ACVR1C: variants seen among roughly 807,000 people sequenced by gnomAD.
ACVR1C encodes activin A receptor type 1C.
A neutral mutation model predicts 57.9 loss-of-function variants in ACVR1C; 23 were observed. The observed-to-expected ratio is 0.40, with a 90% CI of 0.29 to 0.56. The LOEUF (loss-of-function observed/expected upper bound fraction) is 0.56, where lower values mean the gene tolerates loss of function less well. ACVR1C is among the 20% of genes least tolerant of loss of function. ACVR1C has a pLI of 0.50. For synonymous variants in ACVR1C, 214 were observed against 215.3 expected (o/e 0.99, Z 0.05); for missense variants, 480 against 607.9 (o/e 0.79, Z 2.21).
At chr2:157,618,646 A>G (rs1682703125) in intron 1 of ACVR1C, among the ~76,000 whole-genome samples, 2 of 151,832 alleles carry the variant, frequency 1.3e-5, no homozygotes, top group African/African-American at 4.8e-5. Context: ...CTGGAATAAC[A>G]GAGTAACTAT....
At chr2:157,593,275 C>T (rs1166298054) in intron 1 of ACVR1C, among the ~76,000 whole-genome samples, 1 of 152,114 alleles carries the variant, frequency 6.6e-6, no homozygotes, top group Non-Finnish European at 1.5e-5. Context: ...ATGTGCTATT[C>T]TTATTAGAAA....
chr2:157,601,445 T>C (rs1266134420), intron 1 of ACVR1C, among the ~76,000 whole-genome samples: 1 of 152,122 alleles, frequency 6.6e-6, no homozygotes, highest in Admixed American at 6.5e-5. Flanking sequence ...TGCCCAAATA[T>C]ATTTCAAGAC....
At chr2:157,566,163 G>C (rs1012121019) in intron 2 of ACVR1C, among the ~76,000 whole-genome samples, 2 of 152,128 alleles carry the variant, frequency 1.3e-5, no homozygotes, top group Non-Finnish European at 2.9e-5. Flanking sequence ...AAATATTTTA[G>C]AGTTCTTTTT....
chr2:157,615,803 TA>T (rs930536203), intron 1 of ACVR1C, among the ~76,000 whole-genome samples: 10 of 152,116 alleles, frequency 6.6e-5, no homozygotes, highest in South Asian at 6.2e-4. Context: ...AATTAAAAAT[TA>T]AAAAAAATAA....
In ACVR1C at chr2:157,531,275, T is replaced by C. The variant is rs1377525395; in HGVS notation, c.*2643A>G. 2 of 152,020 alleles carry C rather than the reference T, an allele frequency of 1.3e-5. No individual in the cohort carries two copies. The highest frequency in any genetic ancestry group is 2.9e-5 in the Non-Finnish European group (2 of 67,950). The allele number at this position is 152,020 out of a possible 1,614,324, so 9.4% of individuals were successfully genotyped here. ...AAAGGAAATATTACAACTTTTAACA[T>C]TTTCCTTATCATTTTTGCTGCTCTA... is the stretch of plus-strand genomic sequence containing the variant. On this transcript the variant is annotated 3_prime_UTR_variant, in exon 9 of 9. Coordinates refer to ENST00000243349, the MANE Select transcript of ACVR1C (RefSeq NM_145259.3).
At chr2:157,625,148 G>A (rs1169360472) in intron 1 of ACVR1C, among the ~76,000 whole-genome samples, 1 of 152,114 alleles carries the variant, frequency 6.6e-6, no homozygotes, top group African/African-American at 2.4e-5. Flanking sequence ...TTCAGCATCT[G>A]AGAGGCATTT....
At chr2:157,556,388 T>A (rs1300153725) in intron 2 of ACVR1C, 56 bp from the exon 3 acceptor site, 1 of 1,591,970 alleles carries the variant, frequency 6.3e-7, no homozygotes, top group African/African-American at 1.3e-5. Context: ...TAAGTATTTT[T>A]GGAATTGGAA....
At chr2:157,565,674 T>C (rs1193934103) in intron 2 of ACVR1C, among the ~76,000 whole-genome samples, 2 of 152,198 alleles carry the variant, frequency 1.3e-5, no homozygotes, top group African/African-American at 4.8e-5. Flanking sequence ...GAGCTATTGA[T>C]GGGCCATTCC....
At chr2:157,541,444 A>G (rs549168449) in intron 6 of ACVR1C, among the ~76,000 whole-genome samples, 1 of 152,330 alleles carries the variant, frequency 6.6e-6, no homozygotes, top group Non-Finnish European at 1.5e-5. Flanking sequence ...CCAAAAAAAT[A>G]TAGCCATGTT....
At chr2:157,626,346 C>G (rs975808235) in intron 1 of ACVR1C, among the ~76,000 whole-genome samples, 1 of 152,176 alleles carries the variant, frequency 6.6e-6, no homozygotes, top group Non-Finnish European at 1.5e-5. Context: ...TTCTGAGATT[C>G]TCAAAAAGGA....
chr2:157,614,976 A>G (rs1313462197), intron 1 of ACVR1C, among the ~76,000 whole-genome samples: 4 of 152,192 alleles, frequency 2.6e-5, no homozygotes, highest in African/African-American at 9.7e-5. Flanking sequence ...TTTCATTGCT[A>G]TACTTAAACC....
At chr2:157,558,380 T>C (rs979195105) in intron 2 of ACVR1C, among the ~76,000 whole-genome samples, 5 of 152,230 alleles carry the variant, frequency 3.3e-5, no homozygotes, top group Non-Finnish European at 7.3e-5. Flanking sequence ...ATCTTAGACG[T>C]TCTTGCACTT....
At chr2:157,555,969 A>T in intron 3 of ACVR1C, 124 bp downstream of exon 3, 1 of 1,151,812 alleles carries the variant, frequency 8.7e-7, no homozygotes, top group Non-Finnish European at 1.2e-6. Context: ...CCTATACCAG[A>T]GCTCACCATG....
At chr2:157,601,480 A>G (rs923523910) in intron 1 of ACVR1C, among the ~76,000 whole-genome samples, 2 of 152,174 alleles carry the variant, frequency 1.3e-5, no homozygotes, top group East Asian at 3.9e-4. Flanking sequence ...GTGAGGAAAC[A>G]TAAGAAAGAA....
intron 7 of ACVR1C, among the ~76,000 whole-genome samples, chr2:157,540,889 T>C (rs1687610597): frequency 6.6e-6 from 1 of 152,224 alleles, no homozygotes; most frequent in African/African-American, 2.4e-5. Flanking sequence ...GTCACCCCAC[T>C]AAGCAGTAAT....
intron 1 of ACVR1C, among the ~76,000 whole-genome samples, chr2:157,588,875 A>ATATATATATATATATATATATATG (rs1688994461): frequency 7.0e-6 from 1 of 142,126 alleles, no homozygotes; most frequent in Non-Finnish European, 1.5e-5. Flanking sequence ...ATATATATAT[A>ATATATATATATATATATATATATG]TATACGTGTG....
intron 2 of ACVR1C, among the ~76,000 whole-genome samples, chr2:157,583,794 A>G (rs1032836649): frequency 8.1e-6 from 1 of 123,866 alleles, no homozygotes; most frequent in Non-Finnish European, 2.1e-5. Context: ...TGATGCTAGA[A>G]GAACTTCAAA....
At chr2:157,536,372 T>C (rs1221867893) in intron 8 of ACVR1C, among the ~76,000 whole-genome samples, 1 of 152,150 alleles carries the variant, frequency 6.6e-6, no homozygotes, top group African/African-American at 2.4e-5. Flanking sequence ...ATAGAGAAAC[T>C]GCAGAATGCT....
chr2:157,545,428 G>C (rs1468381887), intron 4 of ACVR1C, among the ~76,000 whole-genome samples: 1 of 152,150 alleles, frequency 6.6e-6, no homozygotes, highest in East Asian at 1.9e-4. Flanking sequence ...AATCTGGGTA[G>C]TGATAAAATT....
Sources: gnomAD v4.1 joint callset for allele counts (sites outside exome capture counted in the v4.1 genomes callset) on GRCh38, gnomAD v4.1.1 for gene constraint, MANE v1.5 for transcripts, NCBI Gene and HGNC (gene_info 2026-07-23, HGNC 2026-07-21) for gene names.